The following CNTN5 variants were observed in gnomAD, a reference collection of about 807,000 sequenced individuals.
The protein encoded by CNTN5 is contactin-5.
A neutral mutation model predicts 129.1 loss-of-function variants in CNTN5; 77 were observed. The ratio of observed to expected loss-of-function variants is 0.60; its 90% CI spans 0.50 to 0.72. The LOEUF is 0.72. CNTN5 is among the 30% of genes least tolerant of loss of function. The pLI is 0.00. For missense variants in CNTN5, 1,478 were observed against 1,328.8 expected (o/e 1.11, Z -1.75); for synonymous variants, 509 against 465.6 (o/e 1.09, Z -1.20).
At chr11:99,554,116 C>T (rs1019441956) in intron 2 of CNTN5, among the ~76,000 whole-genome samples, 2 of 151,928 alleles carry the variant, frequency 1.3e-5, no homozygotes, top group African/African-American at 4.8e-5. Context: ...GGAGTTTATA[C>T]TTAAAGATTA....
intron 3 of CNTN5, among the ~76,000 whole-genome samples, chr11:99,556,591 A>ATATATATC (rs1555026494): frequency 2.2e-5 from 3 of 137,494 alleles, no homozygotes; most frequent in African/African-American, 5.4e-5. Flanking sequence ...ATATATATAT[A>ATATATATC]TATCTCCCAC....
chr11:100,158,089 C>G (rs1456008201), intron 13 of CNTN5, among the ~76,000 whole-genome samples: 1 of 151,620 alleles, frequency 6.6e-6, no homozygotes, highest in Admixed American at 6.6e-5. Context: ...TTTTGAAAAT[C>G]TGTATTAGAA....
At chr11:99,451,418 T>C (rs998202844) in intron 2 of CNTN5, among the ~76,000 whole-genome samples, 1 of 152,146 alleles carries the variant, frequency 6.6e-6, no homozygotes, top group Non-Finnish European at 1.5e-5. Context: ...AAATGGAATG[T>C]TATTGGGCTA....
At chr11:99,784,055 C>T (rs1308983934) in intron 3 of CNTN5, among the ~76,000 whole-genome samples, 1 of 152,046 alleles carries the variant, frequency 6.6e-6, no homozygotes, top group African/African-American at 2.4e-5. Context: ...CTAGTCACTA[C>T]TCAAATGTAT....
At position 100,308,396 on chromosome 11, in the gene CNTN5, T is replaced by C. The variant is rs754533054; in HGVS notation, c.2658T>C (p.Ser886=). The change falls in exon 21 of 25, where the codon AGT becomes AGC. Residue 886 remains serine (S), a synonymous_variant. Transcript: ENST00000524871. ...SAAPTDVKAT[S]VSVSEILVAW... ...CTCCCACAGATGTCAAGGCGACAAGTGTGTCTGTGTCAGAGATTCTTGTTG... is the reference window on the plus strand; with the variant it reads ...CTCCCACAGATGTCAAGGCGACAAGCGTGTCTGTGTCAGAGATTCTTGTTG... The C allele has an allele frequency of 6.2e-7, 1 of 1,611,056 alleles. No individual in the cohort carries two copies. Among genetic ancestry groups the C allele is most frequent in the Admixed American group, 1.7e-5 (1 of 59,782 alleles).
intron 9 of CNTN5, among the ~76,000 whole-genome samples, chr11:100,005,451 T>C (rs1007336079): frequency 6.6e-5 from 10 of 152,184 alleles, no homozygotes; most frequent in African/African-American, 2.2e-4. Context: ...TTTATTTTTG[T>C]GGTAAGAACA....
intron 9 of CNTN5, among the ~76,000 whole-genome samples, chr11:100,039,932 G>C (rs1269046052): frequency 6.6e-6 from 1 of 152,096 alleles, no homozygotes; most frequent in East Asian, 1.9e-4. Context: ...CTGTAGCTCG[G>C]AGTAGTTTGA....
chr11:99,793,706 T>G (rs1464431508), intron 3 of CNTN5, among the ~76,000 whole-genome samples: 3 of 152,230 alleles, frequency 2.0e-5, no homozygotes, highest in African/African-American at 7.2e-5. Context: ...AGCAGCTGCT[T>G]AATTTTCATG....
At chr11:99,430,341 A>G (rs1447485125) in intron 2 of CNTN5, among the ~76,000 whole-genome samples, 1 of 150,804 alleles carries the variant, frequency 6.6e-6, no homozygotes, top group Non-Finnish European at 1.5e-5. Context: ...ATCCGAAAAG[A>G]GAAGTGTAAA....
intron 6 of CNTN5, among the ~76,000 whole-genome samples, chr11:99,857,059 TCTCC>T (rs954033357): frequency 7.0e-6 from 1 of 143,882 alleles, no homozygotes; most frequent in Non-Finnish European, 1.5e-5. Flanking sequence ...TCCCTCCCTC[TCTCC>T]CTCCCTCCCT....
At chr11:100,115,774 GA>G (rs1277772191) in intron 13 of CNTN5, among the ~76,000 whole-genome samples, 1 of 151,984 alleles carries the variant, frequency 6.6e-6, no homozygotes, top group African/African-American at 2.4e-5. Flanking sequence ...TGCCTGATTG[GA>G]AATAATTATT....
At chr11:99,160,852 A>G (rs1298950790) in intron 1 of CNTN5, among the ~76,000 whole-genome samples, 2 of 152,208 alleles carry the variant, frequency 1.3e-5, no homozygotes, top group African/African-American at 4.8e-5. Flanking sequence ...GCAGAAAGAG[A>G]TACATATTAC....
At chr11:100,028,476 A>T (rs966782907) in intron 9 of CNTN5, among the ~76,000 whole-genome samples, 2 of 152,158 alleles carry the variant, frequency 1.3e-5, no homozygotes, top group South Asian at 4.1e-4. Flanking sequence ...TGTCATTCAT[A>T]TGTTAATTTA....
At chr11:99,139,413 A>C (rs1453942606) in intron 1 of CNTN5, among the ~76,000 whole-genome samples, 1 of 152,158 alleles carries the variant, frequency 6.6e-6, no homozygotes, top group Non-Finnish European at 1.5e-5. Context: ...ATATTTGATA[A>C]ATTTAGTACA....
intron 1 of CNTN5, among the ~76,000 whole-genome samples, chr11:99,034,493 C>A (rs1863596514): frequency 1.3e-5 from 2 of 151,532 alleles, no homozygotes; most frequent in Admixed American, 1.3e-4. Flanking sequence ...CTGGTTTAGT[C>A]TTGGGAGAGT....
At chr11:100,154,792 CAT>C (rs1947183061) in intron 13 of CNTN5, among the ~76,000 whole-genome samples, 1 of 152,132 alleles carries the variant, frequency 6.6e-6, no homozygotes, top group African/African-American at 2.4e-5. Context: ...AGCTTTATTT[CAT>C]ATGTTTGTTG....
intron 1 of CNTN5, among the ~76,000 whole-genome samples, chr11:99,296,508 T>C (rs1303405921): frequency 1.3e-5 from 2 of 152,200 alleles, no homozygotes; most frequent in Non-Finnish European, 2.9e-5. Context: ...GAAAAGCTGT[T>C]ATACAACCAA....
intron 1 of CNTN5, among the ~76,000 whole-genome samples, chr11:99,316,766 T>C (rs993352798): frequency 6.6e-6 from 1 of 151,830 alleles, no homozygotes; most frequent in African/African-American, 2.4e-5. Context: ...TTTCATTTCA[T>C]TGAAGTGAAG....
At chr11:99,111,233 C>T (rs1052940077) in intron 1 of CNTN5, among the ~76,000 whole-genome samples, 1 of 151,898 alleles carries the variant, frequency 6.6e-6, no homozygotes, top group African/African-American at 2.4e-5. Context: ...TGTTGCACGC[C>T]CATCAGTTCC....
Sources: gnomAD v4.1 joint callset for allele counts (sites outside exome capture counted in the v4.1 genomes callset) on GRCh38, gnomAD v4.1.1 for gene constraint, MANE v1.5 for transcripts, NCBI Gene and HGNC (gene_info 2026-07-23, HGNC 2026-07-21) for gene names.